ANKS1B: variants seen among roughly 807,000 people sequenced by gnomAD.
ANKS1B encodes the protein ankyrin repeat and sterile alpha motif domain-containing protein 1B.
Under a neutral mutation model 148.3 loss-of-function variants are expected in ANKS1B, and 36 were observed. The ratio of observed to expected loss-of-function variants is 0.24; its 90% CI spans 0.19 to 0.32. The LOEUF (loss-of-function observed/expected upper bound fraction) is 0.32, where lower values mean the gene tolerates loss of function less well. ANKS1B is among the 10% of genes least tolerant of loss of function. ANKS1B has a pLI of 1.00. For synonymous variants in ANKS1B, 542 were observed against 560.8 expected (o/e 0.97, Z 0.47); for missense variants, 1,157 against 1,542.6 (o/e 0.75, Z 4.19).
At chr12:99,443,946 G>A in intron 10 of ANKS1B, 137 bp from the exon 11 acceptor site, 3 of 978,884 alleles carry the variant, frequency 3.1e-6, no homozygotes, top group Non-Finnish European at 4.5e-6. Context: ...TGAGGAATAT[G>A]CTCAGTAGTA....
intron 17 of ANKS1B, among the ~76,000 whole-genome samples, chr12:98,903,856 T>C (rs954947125): frequency 2.6e-5 from 4 of 152,152 alleles, no homozygotes; most frequent in Admixed American, 6.5e-5. Context: ...CCTCCAGTGA[T>C]AGGGAGCTCA....
At chr12:99,576,343 A>G (rs917483118) in intron 9 of ANKS1B, among the ~76,000 whole-genome samples, 12 of 152,196 alleles carry the variant, frequency 7.9e-5, no homozygotes, top group African/African-American at 2.2e-4. Flanking sequence ...CAAAAAATTA[A>G]CAAGATATTC....
intron 9 of ANKS1B, among the ~76,000 whole-genome samples, chr12:99,548,362 G>C (rs1217248349): frequency 6.9e-6 from 1 of 145,252 alleles, no homozygotes; most frequent in Non-Finnish European, 1.5e-5. Context: ...TAACTGTTTT[G>C]CTTTCTAATC....
intron 9 of ANKS1B, among the ~76,000 whole-genome samples, chr12:99,626,478 C>T (rs568836320): frequency 6.6e-6 from 1 of 152,254 alleles, no homozygotes; most frequent in East Asian, 1.9e-4. Context: ...CAGCCCACAT[C>T]CTTTCACTTT....
intron 9 of ANKS1B, among the ~76,000 whole-genome samples, chr12:99,538,240 GT>G (rs949035242): frequency 6.6e-6 from 1 of 151,954 alleles, no homozygotes; most frequent in African/African-American, 2.4e-5. Context: ...GGCTATTCTG[GT>G]TTTTTTGTGG....
intron 17 of ANKS1B, among the ~76,000 whole-genome samples, chr12:99,040,811 T>C (rs1391082473): frequency 6.6e-6 from 1 of 152,232 alleles, no homozygotes; most frequent in Non-Finnish European, 1.5e-5. Flanking sequence ...GAAACTGTTC[T>C]AGGAGCTGGG....
intron 1 of ANKS1B, among the ~76,000 whole-genome samples, chr12:99,828,203 A>G (rs1297230280): frequency 6.6e-6 from 1 of 152,214 alleles, no homozygotes; most frequent in African/African-American, 2.4e-5. Context: ...GCTGCCCTTC[A>G]ATCTCCCCAG....
Position 99,898,695 on chromosome 12 carries a change from G to A in ANKS1B, c.135-73306C>T, listed in dbSNP as rs539467981. On this transcript the variant is annotated intron_variant, in intron 1 of 26. Coordinates refer to ENST00000683438, the MANE Select transcript of ANKS1B (RefSeq NM_001352186.2). ...ACGATGAAGAAAGCAAAGATTGGAGGGGGGAGGTTGCCAAACTGCTCTCCG... is the reference window on the plus strand; with the variant it reads ...ACGATGAAGAAAGCAAAGATTGGAGAGGGGAGGTTGCCAAACTGCTCTCCG... Among the ~76,000 whole-genome samples the A allele has an allele frequency of 6.6e-5, 10 of 152,252 alleles. No individual in the cohort carries two copies. The South Asian group carries it at 2.1e-3, about 32-fold the overall frequency.
In ANKS1B at chr12:99,782,098, C is replaced by A; in HGVS notation, c.670-1G>T. ...CATGAAGTGCACTCCCCTTTTCTGT[C>A]TGGAAAAAAAAAAGTAAGAAAAAAG... On this transcript the variant is annotated splice_acceptor_variant, in intron 4 of 26. Transcript: ENST00000683438. LOFTEE classifies it high-confidence loss of function. The A allele has an allele frequency of 6.3e-7, 1 of 1,590,052 alleles. No individual in the cohort carries two copies. Among genetic ancestry groups the A allele is most frequent in the Non-Finnish European group, 8.5e-7 (1 of 1,169,932 alleles).
intron 25 of ANKS1B, among the ~76,000 whole-genome samples, chr12:98,758,754 T>A (rs2098325773): frequency 7.0e-6 from 1 of 141,862 alleles, no homozygotes; most frequent in East Asian, 2.1e-4. Flanking sequence ...GGGATTTTTC[T>A]TTTTTCTTTT....
intron 15 of ANKS1B, among the ~76,000 whole-genome samples, chr12:99,137,062 A>G (rs1168984107): frequency 6.6e-6 from 1 of 152,116 alleles, no homozygotes; most frequent in Non-Finnish European, 1.5e-5. Context: ...AGAAGACCCT[A>G]TTTAGTGCTG....
intron 14 of ANKS1B, among the ~76,000 whole-genome samples, chr12:99,235,808 C>A (rs2087796766): frequency 6.6e-6 from 1 of 152,166 alleles, no homozygotes; most frequent in Non-Finnish European, 1.5e-5. Flanking sequence ...TGGGGCCCAG[C>A]CGAGTTAGAA....
At chr12:99,458,054 A>C (rs917327619) in intron 10 of ANKS1B, among the ~76,000 whole-genome samples, 1 of 152,112 alleles carries the variant, frequency 6.6e-6, no homozygotes, top group Non-Finnish European at 1.5e-5. Context: ...AAATTTAAGA[A>C]ACTCAAAATC....
At chr12:99,008,198 C>T (rs1031906500) in intron 17 of ANKS1B, among the ~76,000 whole-genome samples, 2 of 152,088 alleles carry the variant, frequency 1.3e-5, no homozygotes, top group Non-Finnish European at 2.9e-5. Context: ...AAGGAAAAGT[C>T]AATTTTTATA....
intron 9 of ANKS1B, among the ~76,000 whole-genome samples, chr12:99,637,173 A>C (rs1348465333): frequency 6.6e-6 from 1 of 152,104 alleles, no homozygotes; most frequent in African/African-American, 2.4e-5. Flanking sequence ...TTAGCTGGGC[A>C]TGTTGGCACA....
Position 98,744,019 on chromosome 12 carries a change from T to TATAA in ANKS1B, c.*1716_*1719dup. On this transcript the variant is annotated 3_prime_UTR_variant, in exon 27 of 27. Coordinates refer to ENST00000683438, the MANE Select transcript of ANKS1B (RefSeq NM_001352186.2). ...ATTTTTGTGTGCTTTTTTTATAGGA[T>TATAA]ATAAATAATGACAAAAATTACAAAA... The TATAA allele has an allele frequency of 2.0e-6, 2 of 984,052 alleles. No homozygotes were observed. The highest frequency in any genetic ancestry group is 5.2e-4 in the Middle Eastern group (1 of 1,910). 61.0% of individuals were successfully genotyped at this position (984,052 alleles called of 1,614,324 possible).
chr12:99,237,023 T>C (rs898588300), intron 14 of ANKS1B, among the ~76,000 whole-genome samples: 1 of 152,018 alleles, frequency 6.6e-6, no homozygotes. Context: ...GGTGATGAAA[T>C]AATCTGGACA....
chr12:98,972,448 C>T (rs2099884029), intron 17 of ANKS1B, among the ~76,000 whole-genome samples: 1 of 152,158 alleles, frequency 6.6e-6, no homozygotes, highest in African/African-American at 2.4e-5. Context: ...ACTCTCTTAA[C>T]ACCATGGTAA....
intron 15 of ANKS1B, among the ~76,000 whole-genome samples, chr12:99,141,797 T>C (rs901976160): frequency 6.6e-6 from 1 of 152,126 alleles, no homozygotes; most frequent in African/African-American, 2.4e-5. Context: ...CTATGGAGTA[T>C]ATGTACTACA....
Sources: allele counts gnomAD v4.1 joint callset (sites outside exome capture counted in the v4.1 genomes callset), GRCh38; gene constraint gnomAD v4.1.1; transcripts MANE v1.5; gene names NCBI Gene and HGNC (gene_info 2026-07-23, HGNC 2026-07-21).